Variants in BEND7 observed in about 807,000 individuals in gnomAD.
BEND7 encodes BEN domain containing 7.
BEND7 carries 28 observed loss-of-function variants against 50.9 expected under a neutral mutation model. The ratio of observed to expected loss-of-function variants is 0.55; its 90% confidence interval spans 0.41 to 0.75. BEND7 has a LOEUF of 0.75. Ranked by LOEUF, BEND7 falls within the 30% of genes least tolerant of loss-of-function variation. The pLI, the probability that BEND7 is intolerant of heterozygous loss-of-function variation, is 0.00. For missense variants in BEND7, 477 were observed against 491.3 expected (o/e 0.97, Z 0.28); for synonymous variants, 170 against 183.9 (o/e 0.92, Z 0.61).
intron 6 of BEND7, among the ~76,000 whole-genome samples, chr10:13,457,848 A>T (rs1315745302): frequency 2.0e-5 from 3 of 152,244 alleles, no homozygotes; most frequent in Non-Finnish European, 2.9e-5. Context: ...TGAGTTTTCT[A>T]CTATGTTAAT....
At chr10:13,513,716 T>C (rs1386162928) in intron 2 of BEND7, among the ~76,000 whole-genome samples, 1 of 152,178 alleles carries the variant, frequency 6.6e-6, no homozygotes, top group Non-Finnish European at 1.5e-5. Context: ...GCTAGAGTGA[T>C]CTTTCAAAAA....
At chr10:13,448,331 G>A (rs1836887431) in intron 7 of BEND7, among the ~76,000 whole-genome samples, 1 of 152,178 alleles carries the variant, frequency 6.6e-6, no homozygotes, top group African/African-American at 2.4e-5. Flanking sequence ...AGTTTCGGTG[G>A]TGGCCTCCAT....
intron 6 of BEND7, among the ~76,000 whole-genome samples, chr10:13,462,405 A>G (rs1840395294): frequency 6.6e-6 from 1 of 152,192 alleles, no homozygotes; most frequent in African/African-American, 2.4e-5. Context: ...CTTATTCACT[A>G]CCACAAGAAC....
downstream of BEND7, among the ~76,000 whole-genome samples, chr10:13,440,439 G>A (rs556270542): frequency 6.6e-6 from 1 of 152,216 alleles, no homozygotes; most frequent in South Asian, 2.1e-4. Context: ...CTGCCCAGGT[G>A]CGGGTGCCTT....
At chr10:13,464,427 G>C (rs2074022183) in intron 6 of BEND7, among the ~76,000 whole-genome samples, 1 of 152,140 alleles carries the variant, frequency 6.6e-6, no homozygotes, top group Non-Finnish European at 1.5e-5. Flanking sequence ...GTGATGCTGT[G>C]GCCACAGATC....
chr10:13,446,937 G>A (rs961731998), intron 8 of BEND7: 14 of 330,794 alleles, frequency 4.2e-5, no homozygotes, highest in African/African-American at 8.8e-5. Flanking sequence ...AGTGGTCCCC[G>A]TTTTAAGGTG....
chr10:13,455,977 G>A (rs761764513), intron 6 of BEND7, among the ~76,000 whole-genome samples: 5 of 152,254 alleles, frequency 3.3e-5, no homozygotes, highest in South Asian at 2.1e-4. Context: ...TTCCACCTCC[G>A]TCTCCTGCAG....
intron 5 of BEND7, among the ~76,000 whole-genome samples, chr10:13,487,035 C>G (rs994720815): frequency 6.6e-6 from 1 of 152,226 alleles, no homozygotes; most frequent in African/African-American, 2.4e-5. Flanking sequence ...ATTATAATTA[C>G]TGTTTGTGAA....
chr10:13,528,566 GGCGGCGGCAGCGGCGGCAGCGGCA>G lies in BEND7; in HGVS notation c.-57_-34del, dbSNP rs765574643. ...GGAAGGCGGCGGCGGGGGCTGAGGA[GGCGGCGGCAGCGGCGGCAGCGGCA>G]GCGGCGGCAGCGGCAGCGGCGGCGC... is the stretch of plus-strand genomic sequence containing the variant. On this transcript the variant is annotated 5_prime_UTR_variant, in exon 1 of 9. Transcript: ENST00000466271. 535 of 942,502 alleles carry G rather than the reference GGCGGCGGCAGCGGCGGCAGCGGCA, an allele frequency of 5.7e-4. 2 individuals are homozygous for G. Among genetic ancestry groups the G allele is most frequent in the South Asian group, 4.5e-3 (98 of 21,970 alleles). 58.4% of individuals were successfully genotyped at this position (942,502 alleles called of 1,614,324 possible). A position where few individuals can be genotyped will look rare whatever the true frequency, so the allele number is the denominator to read the frequency against.
rs545516689 is a variant in BEND7, at chr10:13,466,966, G to A, written c.1063+13933C>T. Among the ~76,000 whole-genome samples, 24 of 152,318 alleles carry A rather than the reference G, an allele frequency of 1.6e-4. No individual in the cohort carries two copies. The South Asian group carries it at 2.3e-3, about 14-fold the overall frequency. ...GTCAGACCGCAACCCAGAGGTGACA[G>A]AGGCTGGGAGAAGGAAGGGTGAAGG... On this transcript the variant is annotated intron_variant, in intron 6 of 8. Transcript: ENST00000466271.
chr10:13,441,779 G>A, intron 8 of BEND7, 29 bp from the exon 9 acceptor site: 1 of 1,607,672 alleles, frequency 6.2e-7, no homozygotes. Flanking sequence ...CTGTTGTCAG[G>A]AACGGGATTA....
At chr10:13,490,518 G>T (rs2076576694) in intron 5 of BEND7, among the ~76,000 whole-genome samples, 1 of 152,292 alleles carries the variant, frequency 6.6e-6, no homozygotes, top group South Asian at 2.1e-4. Flanking sequence ...CAGGCTCACT[G>T]CTCCTGTCTA....
chr10:13,488,594 T>A (rs1230947825), intron 5 of BEND7, among the ~76,000 whole-genome samples: 1 of 152,200 alleles, frequency 6.6e-6, no homozygotes, highest in African/African-American at 2.4e-5. Flanking sequence ...TTCAAGCGAT[T>A]CTCCTGCCTC....
Position 13,447,289 on chromosome 10 carries a change from T to A in BEND7, c.1211A>T (p.Asp404Val). The A allele has an allele frequency of 3.1e-6, 5 of 1,614,162 alleles. No homozygotes were observed. The highest frequency in any genetic ancestry group is 4.2e-6 in the Non-Finnish European group (5 of 1,180,034). ...ACCTGTTGGTGGTAGAGCAATGCCG[T>A]CCAGTCTTTCATCACTGTCCGCGAT... The part of the protein sequence containing the change: ...SEIADSDERL[D>V]GIALPPTVV Residue 404 changes from aspartate (D) to valine (V), a missense_variant, in exon 8 of 9, where the codon GAC (aspartate) becomes GTC (valine). Asp to Val is a radical substitution (Grantham distance 152, BLOSUM62 -3). Around this residue, in one of 3 missense-constraint regions of BEND7, gnomAD observed 64 missense variants for 68.5 expected, o/e 0.93. Coordinates refer to ENST00000466271, the MANE Select transcript of BEND7 (RefSeq NM_001369863.1).
At position 13,499,891 on chromosome 10, in the gene BEND7, G is replaced by A; in HGVS notation, c.335C>T (p.Ser112Phe). The A allele has an allele frequency of 6.2e-7, 1 of 1,614,182 alleles. No homozygotes were observed. Residue 112 changes from serine to phenylalanine, a missense_variant, in exon 3 of 9, where the codon TCT becomes TTT. Transcript: ENST00000466271. ...SAEAPQSLHP[S>F]SRGVWNELPP... ...TAGCTCATTCCACACACCACGTGAAGACGGGTGGAGGCTTTGCGGGGCCTC... is the reference window on the plus strand; with the variant it reads ...TAGCTCATTCCACACACCACGTGAAAACGGGTGGAGGCTTTGCGGGGCCTC...
chr10:13,456,426 G>A (rs1465153963), intron 6 of BEND7, among the ~76,000 whole-genome samples: 1 of 152,222 alleles, frequency 6.6e-6, no homozygotes, highest in Non-Finnish European at 1.5e-5. Context: ...GGACAGAGAA[G>A]TGATCCGGAT....
At chr10:13,464,670 T>C (rs2074049964) in intron 6 of BEND7, among the ~76,000 whole-genome samples, 1 of 152,158 alleles carries the variant, frequency 6.6e-6, no homozygotes, top group Non-Finnish European at 1.5e-5. Context: ...GGCAAATGTC[T>C]TTACCACATT....
At chr10:13,462,367 A>G (rs1320390393) in intron 6 of BEND7, among the ~76,000 whole-genome samples, 6 of 152,220 alleles carry the variant, frequency 3.9e-5, no homozygotes, top group Admixed American at 2.0e-4. Context: ...GGGAACTTCC[A>G]TTTATAAAAC....
chr10:13,461,023 C>T (rs1334925513), intron 6 of BEND7, among the ~76,000 whole-genome samples: 1 of 152,128 alleles, frequency 6.6e-6, no homozygotes, highest in African/African-American at 2.4e-5. Flanking sequence ...TTACACACGC[C>T]GAGCACCAGG....
Sources: gnomAD v4.1 joint callset for allele counts (sites outside exome capture counted in the v4.1 genomes callset) on GRCh38, gnomAD v4.1.1 for gene constraint, gnomAD v4.1.1 regional missense constraint, MANE v1.5 for transcripts, NCBI Gene and HGNC (gene_info 2026-07-23, HGNC 2026-07-21) for gene names.